The following COMMD1 variants were observed in gnomAD, a reference collection of about 807,000 sequenced individuals.
The protein encoded by COMMD1 is copper metabolism domain containing 1.
Under a neutral mutation model 17.2 loss-of-function variants are expected in COMMD1, and 10 were observed. That is an observed-to-expected ratio of 0.58 (90% CI 0.36 to 0.99). The LOEUF (loss-of-function observed/expected upper bound fraction) is 0.99. Ranked by LOEUF, COMMD1 falls within the 50% of genes least tolerant of loss-of-function variation. COMMD1 has a pLI of 0.01. For missense variants in COMMD1, 270 were observed against 231.8 expected (o/e 1.17, Z -1.07); for synonymous variants, 97 against 91.6 (o/e 1.06, Z -0.34).
Position 61,988,113 on chromosome 2 carries a change from G to T in COMMD1, c.181-12588G>T, listed in dbSNP as rs374556831. ...CCAAAAATGTCATCTAAGAGCCAAGGCCTGAAATTGAGGCTCCAGAGTCTG... is the reference window on the plus strand; with the variant it reads ...CCAAAAATGTCATCTAAGAGCCAAGTCCTGAAATTGAGGCTCCAGAGTCTG... On this transcript the variant is annotated intron_variant, in intron 1 of 2. Coordinates refer to ENST00000311832, the MANE Select transcript of COMMD1 (RefSeq NM_152516.4). Among the ~76,000 whole-genome samples, 9 of 152,230 alleles carry T rather than the reference G, an allele frequency of 5.9e-5. No individual in the cohort carries two copies. The East Asian group carries it at 1.7e-3, about 29-fold the overall frequency.
At chr2:62,112,623 GC>G (rs1375375558) in intron 2 of COMMD1, among the ~76,000 whole-genome samples, 8 of 152,306 alleles carry the variant, frequency 5.3e-5, no homozygotes. Flanking sequence ...AATGTTGGGT[GC>G]TTGTACATAT....
chr2:61,915,577 C>A (rs1670026621), intron 1 of COMMD1: 2 of 351,882 alleles, frequency 5.7e-6, no homozygotes, highest in African/African-American at 4.3e-5. Flanking sequence ...GCAGCCTTGA[C>A]CTCTTGGGCT....
intron 2 of COMMD1, among the ~76,000 whole-genome samples, chr2:62,029,940 C>G (rs1439877131): frequency 6.6e-6 from 1 of 152,220 alleles, no homozygotes; most frequent in Non-Finnish European, 1.5e-5. Context: ...CGTGTATACA[C>G]GAGAGCCTTC....
intron 2 of COMMD1, among the ~76,000 whole-genome samples, chr2:62,124,749 T>C (rs1672844268): frequency 6.6e-6 from 1 of 152,086 alleles, no homozygotes; most frequent in African/African-American, 2.4e-5. Context: ...GGGGTTTTAC[T>C]ATGTGAGCCA....
At chr2:62,023,186 A>G (rs1336085909) in intron 2 of COMMD1, among the ~76,000 whole-genome samples, 1 of 151,826 alleles carries the variant, frequency 6.6e-6, no homozygotes, top group Non-Finnish European at 1.5e-5. Flanking sequence ...AGATCGTGCC[A>G]TTGTACTCCA....
chr2:62,016,257 G>C (rs560918735), intron 2 of COMMD1, among the ~76,000 whole-genome samples: 83 of 128,732 alleles, frequency 6.4e-4, no homozygotes, highest in African/African-American at 2.2e-3. Flanking sequence ...CGCCCAAGCT[G>C]GAGTGCAGTG....
In COMMD1 at chr2:61,966,667, A is replaced by G. The variant is rs142483210; in HGVS notation, c.181-34034A>G. On this transcript the variant is annotated intron_variant, in intron 1 of 2. Coordinates refer to ENST00000311832, the MANE Select transcript of COMMD1 (RefSeq NM_152516.4). ...GGCAAAAAGAGGACTAATTACACAG[A>G]CTTGTGAGAAATGAAGTTGCCTATC... 4.9e-3 allele frequency among the ~76,000 whole-genome samples: 750 copies of G among 151,960 alleles called. 5 individuals carry two copies. The highest frequency in any genetic ancestry group is 5.9e-3 in the Non-Finnish European group (404 of 67,998).
At chr2:62,124,015 C>T (rs1038208057) in intron 2 of COMMD1, among the ~76,000 whole-genome samples, 3 of 149,866 alleles carry the variant, frequency 2.0e-5, no homozygotes, top group African/African-American at 7.6e-5. Flanking sequence ...TAAAGTTCCT[C>T]CCAGCCAGGC....
chr2:62,035,528 C>T (rs1670014627), intron 2 of COMMD1, among the ~76,000 whole-genome samples: 1 of 151,816 alleles, frequency 6.6e-6, no homozygotes, highest in Non-Finnish European at 1.5e-5. Context: ...ATCACTTGAG[C>T]CCAGGAGTTC....
intron 1 of COMMD1, among the ~76,000 whole-genome samples, chr2:61,941,351 G>T (rs1471544215): frequency 1.3e-5 from 2 of 152,146 alleles, no homozygotes; most frequent in African/African-American, 4.8e-5. Context: ...TATTAAGCAT[G>T]TGTAAGACCA....
intron 1 of COMMD1, chr2:61,969,073 C>T: frequency 2.3e-6 from 1 of 439,582 alleles, no homozygotes; most frequent in African/African-American, 2.0e-5. Context: ...ATTCTCCTGC[C>T]TCAGCCTCCT....
chr2:61,947,576 G>A (rs867273989), intron 1 of COMMD1, among the ~76,000 whole-genome samples: 7 of 151,984 alleles, frequency 4.6e-5, no homozygotes, highest in Admixed American at 6.6e-5. Context: ...CCAGCTACTC[G>A]GGAGGCTGAG....
chr2:62,015,771 A>G (rs1669426099), intron 2 of COMMD1, among the ~76,000 whole-genome samples: 1 of 135,870 alleles, frequency 7.4e-6, no homozygotes, highest in African/African-American at 2.8e-5. Context: ...TTTAGTTTTG[A>G]GTTGAAGTCC....
At chr2:62,044,764 C>G (rs1280209453) in intron 2 of COMMD1, among the ~76,000 whole-genome samples, 1 of 151,242 alleles carries the variant, frequency 6.6e-6, no homozygotes, top group African/African-American at 2.4e-5. Flanking sequence ...CTCCCTTCAC[C>G]TACCAAAGAA....
rs1488861513 is a variant in COMMD1 at position 62,098,469 on chromosome 2, GT to G, written c.463-37360del. Among the ~76,000 whole-genome samples, 26 of 151,996 alleles carry G rather than the reference GT, an allele frequency of 1.7e-4. No individual in the cohort carries two copies. The East Asian group carries it at 4.1e-3, about 24-fold the overall frequency. ...TCAGCTAGGGTTGATGTCAGCTAGG[GT>G]TGACTAAGTGACTGGTGGGCAAGGA... On this transcript the variant is annotated intron_variant, in intron 2 of 2. Transcript: ENST00000311832.
chr2:61,997,842 A>G (rs901891699), intron 1 of COMMD1, among the ~76,000 whole-genome samples: 3 of 152,270 alleles, frequency 2.0e-5, no homozygotes, highest in African/African-American at 7.2e-5. Context: ...TGAAAGTCCT[A>G]TTTTATGAGA....
Position 61,976,710 on chromosome 2 carries a change from A to T in COMMD1, c.181-23991A>T, listed in dbSNP as rs572374381. Among the ~76,000 whole-genome samples, 3 of 152,344 alleles carry T rather than the reference A, an allele frequency of 2.0e-5. No homozygotes were observed. The East Asian group carries it at 5.8e-4, about 29-fold the overall frequency. The stretch of plus-strand genomic sequence containing the variant: ...ACTACAGTGGGAGAAAAAGGGAGAG[A>T]TGAAGAGGTGGAACACAGAATTTTT... On this transcript the variant is annotated intron_variant, in intron 1 of 2. Coordinates refer to ENST00000311832, the MANE Select transcript of COMMD1 (RefSeq NM_152516.4).
intron 1 of COMMD1, among the ~76,000 whole-genome samples, chr2:61,994,361 T>C (rs1366909924): frequency 6.6e-6 from 1 of 152,232 alleles, no homozygotes; most frequent in Non-Finnish European, 1.5e-5. Flanking sequence ...TCAGTAAATG[T>C]TTATTGAATT....
At chr2:62,042,128 CGCT>C (rs1670230245) in intron 2 of COMMD1, among the ~76,000 whole-genome samples, 1 of 152,146 alleles carries the variant, frequency 6.6e-6, no homozygotes, top group Admixed American at 6.5e-5. Flanking sequence ...TTTGACAGAG[CGCT>C]GATTGGTGCA....
Sources: allele counts gnomAD v4.1 joint callset (sites outside exome capture counted in the v4.1 genomes callset), GRCh38; gene constraint gnomAD v4.1.1; transcripts MANE v1.5; gene names NCBI Gene and HGNC (gene_info 2026-07-23, HGNC 2026-07-21).